FAM222A: variants seen among roughly 807,000 people sequenced by gnomAD.
The protein encoded by FAM222A is family with sequence similarity 222 member A.
A neutral mutation model predicts 25.8 loss-of-function variants in FAM222A; 7 were observed. That is an observed-to-expected ratio of 0.27 (90% confidence interval 0.15 to 0.51). The LOEUF is 0.51. FAM222A is among the 20% of genes least tolerant of loss of function. FAM222A has a pLI of 0.97. For synonymous variants in FAM222A, 294 were observed against 298.8 expected, an observed-to-expected ratio of 0.98 and a Z score of 0.17; for missense variants, 573 against 640.5, an observed-to-expected ratio of 0.89 and a Z score of 1.14.
In FAM222A at chr12:109,761,946, C is replaced by T. The variant is rs574398084; in HGVS notation, c.83-6066C>T. Among the ~76,000 whole-genome samples the T allele has an allele frequency of 2.6e-5, 4 of 152,254 alleles. No individual in the cohort carries two copies. In the East Asian group the frequency reaches 7.7e-4, roughly 29 times the overall value. Reference sequence around the variant, plus strand: ...ACCTCTCCAGCCTGTCTTCCCCACCCACCCTCACCCTGCACCAACTGCTTC... The same window carrying T: ...ACCTCTCCAGCCTGTCTTCCCCACCTACCCTCACCCTGCACCAACTGCTTC... On this transcript the variant is annotated intron_variant, in intron 2 of 2. Coordinates refer to ENST00000538780, the MANE Select transcript of FAM222A (RefSeq NM_032829.3).
rs1592773819 is a variant in FAM222A at position 109,714,872 on chromosome 12, T to G, written c.-72T>G. The stretch of plus-strand genomic sequence containing the variant: ...GAGCGTCGTGGTAGCTGAGACCTGG[T>G]GCCCTTCGACGGCCTGGCTGATCCG... On this transcript the variant is annotated 5_prime_UTR_variant, in exon 1 of 3. Transcript: ENST00000538780. This position sits in a 1 kb window ranked among gnomAD's most constrained non-coding sequence, Gnocchi z 4.2. 6.6e-6 allele frequency: 1 copy of G among 152,654 alleles called. No homozygotes were observed. Among genetic ancestry groups the G allele is most frequent in the South Asian group, 2.1e-4 (1 of 4,826 alleles). The allele number at this position is 152,654 out of a possible 1,614,324, so 9.5% of individuals were successfully genotyped here.
At chr12:109,731,731 C>A (rs186198788) in intron 1 of FAM222A, among the ~76,000 whole-genome samples, 194 of 152,280 alleles carry the variant, frequency 1.3e-3, no homozygotes, top group African/African-American at 4.6e-3. Context: ...TCTGCCCACC[C>A]ATGTTGAGGG....
In FAM222A at chr12:109,719,872, C is replaced by G. The variant is rs77691722; in HGVS notation, c.-47+4975C>G. Among the ~76,000 whole-genome samples, 1,239 of 152,198 alleles carry G rather than the reference C, an allele frequency of 8.1e-3. 22 individuals carry two copies. The highest frequency in any genetic ancestry group is 0.028 in the African/African-American group (1,161 of 41,512). On this transcript the variant is annotated intron_variant, in intron 1 of 2. Transcript: ENST00000538780. ...TGAGAGGCAGGGGCCAGCTAAGATCCCAGTGCCTTAGAGGCCAACAGAGAG... is the reference window on the plus strand; with the variant it reads ...TGAGAGGCAGGGGCCAGCTAAGATCGCAGTGCCTTAGAGGCCAACAGAGAG...
intron 2 of FAM222A, among the ~76,000 whole-genome samples, chr12:109,767,062 C>CTT (rs757766627): frequency 0.033 from 3,105 of 93,004 alleles, 158 homozygotes; most frequent in African/African-American, 0.068. Context: ...TGCTTGGCTT[C>CTT]TTTTTTTTTT....
At chr12:109,721,003 T>C (rs186474346) in intron 1 of FAM222A, among the ~76,000 whole-genome samples, 1 of 152,316 alleles carries the variant, frequency 6.6e-6, no homozygotes, top group East Asian at 1.9e-4. Flanking sequence ...GCACTTGTAA[T>C]TGAATACTTT....
intron 2 of FAM222A, among the ~76,000 whole-genome samples, chr12:109,763,296 G>A (rs144263661): frequency 1.9e-4 from 29 of 152,208 alleles, no homozygotes; most frequent in Admixed American, 4.6e-4. Flanking sequence ...TCTGTACAGC[G>A]GGAACTGCAT....
At chr12:109,738,131 A>G (rs1307215777) in intron 1 of FAM222A, among the ~76,000 whole-genome samples, 1 of 152,086 alleles carries the variant, frequency 6.6e-6, no homozygotes, top group Non-Finnish European at 1.5e-5. Flanking sequence ...CTGTCGTGGG[A>G]GCCCCTAAGG....
chr12:109,756,392 C>CT (rs35171962), intron 2 of FAM222A, among the ~76,000 whole-genome samples: 3,004 of 124,318 alleles, frequency 0.024, 132 homozygotes, highest in African/African-American at 0.072. Context: ...AATATGAATG[C>CT]TTTTTTTTTT....
At chr12:109,734,897 A>T (rs1312693550) in intron 1 of FAM222A, 1 of 152,314 alleles carries the variant, frequency 6.6e-6, no homozygotes, top group African/African-American at 2.4e-5. Flanking sequence ...TGACCCACAC[A>T]TGGGTGGTGA....
At chr12:109,737,772 C>G (rs771661358) in intron 1 of FAM222A, among the ~76,000 whole-genome samples, 9 of 152,104 alleles carry the variant, frequency 5.9e-5, no homozygotes, top group African/African-American at 9.7e-5. Flanking sequence ...AAATTACCCT[C>G]GCCTCCTCCA....
chr12:109,724,305 T>C (rs1183283422), intron 1 of FAM222A, among the ~76,000 whole-genome samples: 1 of 152,086 alleles, frequency 6.6e-6, no homozygotes, highest in African/African-American at 2.4e-5. Context: ...TGGTGTGGAG[T>C]GGGCATTGCA....
chr12:109,757,738 G>T (rs1888774040), intron 2 of FAM222A, among the ~76,000 whole-genome samples: 1 of 151,706 alleles, frequency 6.6e-6, no homozygotes. Context: ...GACAATGATG[G>T]GAACAGGCAG....
rs117395622 is a variant in FAM222A, at chr12:109,766,603, G to A, written c.83-1409G>A. Among the ~76,000 whole-genome samples, 652 of 152,300 alleles carry A rather than the reference G, an allele frequency of 4.3e-3. 6 individuals are homozygous for A. The highest frequency in any genetic ancestry group is 6.8e-3 in the Non-Finnish European group (462 of 68,022). ...GAGGTGGGCAGGGGGTCATCATCCC[G>A]TTTCACAGGTGAGGAAGGAAGGCAT... On this transcript the variant is annotated intron_variant, in intron 2 of 2. Coordinates refer to ENST00000538780, the MANE Select transcript of FAM222A (RefSeq NM_032829.3).
intron 1 of FAM222A, among the ~76,000 whole-genome samples, chr12:109,719,446 A>T (rs60508757): frequency 6.6e-6 from 1 of 152,068 alleles, no homozygotes; most frequent in Non-Finnish European, 1.5e-5. Flanking sequence ...AAGACTGAGC[A>T]AGGACACCCT....
intron 2 of FAM222A, among the ~76,000 whole-genome samples, chr12:109,745,395 C>T (rs995628504): frequency 1.3e-5 from 2 of 152,222 alleles, no homozygotes; most frequent in Non-Finnish European, 2.9e-5. Context: ...GTTGCTGTTA[C>T]AAGCAGTGCA....
intron 1 of FAM222A, among the ~76,000 whole-genome samples, chr12:109,732,199 TCTGAGTGCAGAGA>T (rs1451519290): frequency 2.0e-5 from 3 of 152,210 alleles, no homozygotes; most frequent in Admixed American, 2.0e-4. Flanking sequence ...CTTCTGAGGC[TCTGAGTGCAGAGA>T]CTGAGTGCCG....
At chr12:109,737,167 G>A (rs1456963814) in intron 1 of FAM222A, among the ~76,000 whole-genome samples, 1 of 152,056 alleles carries the variant, frequency 6.6e-6, no homozygotes, top group South Asian at 2.1e-4. Flanking sequence ...GCCAGAAAGG[G>A]CTTTTGAGCA....
At chr12:109,719,369 G>A (rs528421837) in intron 1 of FAM222A, among the ~76,000 whole-genome samples, 1 of 152,176 alleles carries the variant, frequency 6.6e-6, no homozygotes, top group Non-Finnish European at 1.5e-5. Context: ...GCAGAGGCGG[G>A]GTTCCAGCTT....
chr12:109,756,543 A>T (rs1445276025), intron 2 of FAM222A, among the ~76,000 whole-genome samples: 2 of 152,138 alleles, frequency 1.3e-5, no homozygotes, highest in Non-Finnish European at 2.9e-5. Flanking sequence ...TGTAGTTTTC[A>T]TAGTTTTTTG....
Sources: allele counts gnomAD v4.1 joint callset (sites outside exome capture counted in the v4.1 genomes callset), GRCh38; gene constraint gnomAD v4.1.1; non-coding constraint Gnocchi (gnomAD v3.1); transcripts MANE v1.5; gene names NCBI Gene and HGNC (gene_info 2026-07-23, HGNC 2026-07-21).